Variants in NPAT observed in about 807,000 individuals in gnomAD.
NPAT encodes protein NPAT.
Under a neutral mutation model 130.7 loss-of-function variants are expected in NPAT, and 52 were observed. The observed-to-expected ratio is 0.40, with a 90% CI of 0.32 to 0.50. The LOEUF (loss-of-function observed/expected upper bound fraction) is 0.50, where lower values mean the gene tolerates loss of function less well. Ranked by LOEUF, NPAT falls within the 20% of genes least tolerant of loss-of-function variation. The pLI, the probability that NPAT is intolerant of heterozygous loss-of-function variation, is 0.68. For missense variants in NPAT, 1,687 were observed against 1,662.6 expected, an observed-to-expected ratio of 1.01 and a Z score of -0.26; for synonymous variants, 580 against 584.8, an observed-to-expected ratio of 0.99 and a Z score of 0.12.
intron 10 of NPAT, among the ~76,000 whole-genome samples, chr11:108,181,090 C>A (rs2078054032): frequency 6.6e-6 from 1 of 152,174 alleles, no homozygotes; most frequent in Admixed American, 6.5e-5. Context: ...GTGTCCCTCC[C>A]AAATTCACGT....
At chr11:108,171,508 G>C (rs1352848461) in intron 13 of NPAT, 1 of 147,174 alleles carries the variant, frequency 6.8e-6, no homozygotes, top group Non-Finnish European at 1.5e-5. Flanking sequence ...TTTTGAGACA[G>C]AGTCTCGCTC....
chr11:108,198,240 C>G (rs2078242687), intron 1 of NPAT, among the ~76,000 whole-genome samples: 1 of 152,144 alleles, frequency 6.6e-6, no homozygotes, highest in Non-Finnish European at 1.5e-5. Flanking sequence ...AGAGTTGTCA[C>G]ATTATATTAT....
At chr11:108,200,900 C>T (rs892528564) in intron 1 of NPAT, among the ~76,000 whole-genome samples, 2 of 152,200 alleles carry the variant, frequency 1.3e-5, no homozygotes, top group Admixed American at 6.5e-5. Flanking sequence ...CATACCATTA[C>T]ACCCCAACTG....
At chr11:108,195,761 G>A (rs114462507) in intron 2 of NPAT, among the ~76,000 whole-genome samples, 1,954 of 152,156 alleles carry the variant, frequency 0.013, 52 homozygotes, top group African/African-American at 0.044. Flanking sequence ...CCAAGCAGCT[G>A]GGACTAAGTG....
chr11:108,167,131 T>A (rs921146604), intron 15 of NPAT, among the ~76,000 whole-genome samples: 1 of 152,230 alleles, frequency 6.6e-6, no homozygotes, highest in Admixed American at 6.5e-5. Context: ...TTAATTTTTC[T>A]ATTAACTCCC....
At chr11:108,216,648 A>G (rs915306957) in intron 1 of NPAT, among the ~76,000 whole-genome samples, 2 of 90,590 alleles carry the variant, frequency 2.2e-5, no homozygotes, top group Non-Finnish European at 4.5e-5. Flanking sequence ...TTGTGCTAGC[A>G]TAACCTGGAA....
intron 1 of NPAT, among the ~76,000 whole-genome samples, chr11:108,200,353 T>C (rs148804475): frequency 6.6e-4 from 100 of 152,314 alleles, no homozygotes; most frequent in African/African-American, 2.3e-3. Context: ...TAGTTATAGT[T>C]GAGGGGACCT....
intron 10 of NPAT, among the ~76,000 whole-genome samples, chr11:108,180,408 C>T (rs2078048385): frequency 6.6e-6 from 1 of 152,186 alleles, no homozygotes; most frequent in African/African-American, 2.4e-5. Context: ...GAACAAATAA[C>T]TTAAACAGAC....
At chr11:108,166,546 C>T (rs2077904628) in intron 15 of NPAT, among the ~76,000 whole-genome samples, 1 of 152,096 alleles carries the variant, frequency 6.6e-6, no homozygotes, top group Admixed American at 6.5e-5. Context: ...CTACTTTCTT[C>T]TCTATATATT....
chr11:108,201,749 T>C (rs531979361), intron 1 of NPAT, among the ~76,000 whole-genome samples: 2 of 152,170 alleles, frequency 1.3e-5, no homozygotes, highest in Admixed American at 1.3e-4. Flanking sequence ...TGGATGACCA[T>C]CTCCTCAAAT....
At chr11:108,210,079 GAA>G (rs931523489) in intron 1 of NPAT, among the ~76,000 whole-genome samples, 6 of 140,486 alleles carry the variant, frequency 4.3e-5, no homozygotes, top group Admixed American at 7.3e-5. Flanking sequence ...TAGACCAACC[GAA>G]AAAAAAAAGA....
chr11:108,166,570 T>A (rs917501713), intron 15 of NPAT, among the ~76,000 whole-genome samples: 2 of 152,240 alleles, frequency 1.3e-5, no homozygotes, highest in Admixed American at 1.3e-4. Flanking sequence ...TATTTAATGA[T>A]CAATACATTT....
chr11:108,194,826 T>A lies in NPAT; in HGVS notation c.157-809A>T, dbSNP rs542857616. Among the ~76,000 whole-genome samples, 13 of 129,384 alleles carry A rather than the reference T, an allele frequency of 1.0e-4. No individual in the cohort carries two copies. In the East Asian group the frequency reaches 2.7e-3, roughly 27 times the overall value. 84.9% of individuals were successfully genotyped at this position (129,384 alleles called of 152,430 possible). A position where few individuals can be genotyped will look rare whatever the true frequency, so the allele number is the denominator to read the frequency against. On this transcript the variant is annotated intron_variant, in intron 2 of 17. Coordinates refer to ENST00000278612, the MANE Select transcript of NPAT (RefSeq NM_002519.3). ...CATCACGCCTGGCCTGTTTTCAGTATTTTTTTTTTTTTTTTGAGATGGAGT... is the reference window on the plus strand; with the variant it reads ...CATCACGCCTGGCCTGTTTTCAGTAATTTTTTTTTTTTTTTGAGATGGAGT...
rs988640098 is a variant in NPAT, at chr11:108,222,606, T to C, written c.-70A>G. 2.6e-6 allele frequency: 4 copies of C among 1,554,034 alleles called. No homozygotes were observed. The highest frequency in any genetic ancestry group is 2.7e-6 in the Non-Finnish European group (3 of 1,130,962). ...TTAAAGCAAACACAGCGACAGCTCC[T>C]GCGCCGCATCTCCTGGTTCCAGTGG... is the stretch of plus-strand genomic sequence containing the variant. On this transcript the variant is annotated 5_prime_UTR_variant, in exon 1 of 18. Coordinates refer to ENST00000278612, the MANE Select transcript of NPAT (RefSeq NM_002519.3).
chr11:108,206,246 G>T (rs1176162846), intron 1 of NPAT, among the ~76,000 whole-genome samples: 1 of 152,142 alleles, frequency 6.6e-6, no homozygotes, highest in Non-Finnish European at 1.5e-5. Context: ...CGCTTTTCCA[G>T]TTCGAAACCT....
At chr11:108,177,504 G>A (rs1355270901) in intron 10 of NPAT, among the ~76,000 whole-genome samples, 3 of 151,862 alleles carry the variant, frequency 2.0e-5, no homozygotes, top group East Asian at 1.9e-4. Flanking sequence ...GCAGACACTC[G>A]ACTATTTCTG....
intron 1 of NPAT, among the ~76,000 whole-genome samples, chr11:108,200,719 G>A (rs1489631656): frequency 6.6e-6 from 1 of 152,100 alleles, no homozygotes; most frequent in Non-Finnish European, 1.5e-5. Context: ...CTCTGATATT[G>A]GATGTACAAA....
rs778487123 is a variant in NPAT, at chr11:108,162,125, T to C, written c.3066A>G (p.Ala1022=). 2 of 1,614,060 alleles carry C rather than the reference T, an allele frequency of 1.2e-6. No individual in the cohort carries two copies. The highest frequency in any genetic ancestry group is 1.7e-6 in the Non-Finnish European group (2 of 1,179,858). Residue 1022 remains alanine (A), a synonymous_variant, in exon 16 of 18, where the codon GCA becomes GCG. Coordinates refer to ENST00000278612, the MANE Select transcript of NPAT (RefSeq NM_002519.3). ...DSSGHSVGCH[A]QKTEVSDKSI... is the part of the protein sequence containing the mutation. ...AGAAACTACTTTATACTCACTTTTG[T>C]GCATGACATCCAACTGAATGACCTG...
intron 12 of NPAT, among the ~76,000 whole-genome samples, chr11:108,174,807 C>T (rs1236278305): frequency 6.6e-6 from 1 of 151,946 alleles, no homozygotes; most frequent in Admixed American, 6.6e-5. Context: ...TTAGTAGAGG[C>T]GCGGTTTCAC....
Sources: allele counts gnomAD v4.1 joint callset (sites outside exome capture counted in the v4.1 genomes callset), GRCh38; gene constraint gnomAD v4.1.1; transcripts MANE v1.5; gene names NCBI Gene and HGNC (gene_info 2026-07-23, HGNC 2026-07-21).